Variants in OTUD7A observed in about 807,000 individuals in gnomAD.
The protein encoded by OTUD7A is OTU domain-containing protein 7A.
Under a neutral mutation model 65.7 loss-of-function variants are expected in OTUD7A, and 12 were observed. The ratio of observed to expected loss-of-function variants is 0.18; its 90% CI spans 0.12 to 0.30. The LOEUF (loss-of-function observed/expected upper bound fraction) is 0.30, where lower values mean the gene tolerates loss of function less well. Ranked by LOEUF, OTUD7A falls within the 10% of genes least tolerant of loss-of-function variation. The probability of loss-of-function intolerance (pLI) is 1.00; values close to 1 mark genes in which losing one functional copy is unlikely to be tolerated. For synonymous variants in OTUD7A, 641 were observed against 586.3 expected (o/e 1.09, Z -1.35); for missense variants, 1,148 against 1,304.8 (o/e 0.88, Z 1.85).
chr15:31,524,319 C>G (rs1161017361), intron 8 of OTUD7A, among the ~76,000 whole-genome samples: 1 of 152,096 alleles, frequency 6.6e-6, no homozygotes, highest in Non-Finnish European at 1.5e-5. Context: ...GGCTGTAGAG[C>G]CTGGTCAAAA....
intron 10 of OTUD7A, among the ~76,000 whole-genome samples, chr15:31,496,224 G>C (rs574700890): frequency 1.3e-4 from 18 of 143,306 alleles, no homozygotes; most frequent in African/African-American, 4.0e-4. Context: ...TTTGATAAAT[G>C]ATTTTTTTTT....
At chr15:31,613,226 T>C (rs541907260) in intron 3 of OTUD7A, among the ~76,000 whole-genome samples, 18 of 152,284 alleles carry the variant, frequency 1.2e-4, no homozygotes, top group African/African-American at 3.8e-4. Context: ...CTTCTAGACA[T>C]TGGCTTAGGC....
chr15:31,608,275 T>C (rs1566941675), intron 3 of OTUD7A, among the ~76,000 whole-genome samples: 2 of 151,972 alleles, frequency 1.3e-5, no homozygotes, highest in Admixed American at 6.6e-5. Flanking sequence ...GGCAGGGAAT[T>C]GAATTGAGAA....
rs1365890739 is a variant in OTUD7A, at chr15:31,716,780, T to C, written c.-99-59703A>G. On this transcript the variant is annotated intron_variant, in intron 1 of 12. Transcript: ENST00000307050. ...GACTACACTATGCAGAATCTGTGCA[T>C]ACGGACAAAGGGAGGAGGCTGCATG... Among the ~76,000 whole-genome samples the C allele has an allele frequency of 4.6e-5, 7 of 150,818 alleles. 1 individual carries two copies. Among genetic ancestry groups the C allele is most frequent in the South Asian group, 4.3e-4 (2 of 4,636 alleles).
At chr15:31,617,533 C>T (rs1890629683) in intron 3 of OTUD7A, among the ~76,000 whole-genome samples, 1 of 151,770 alleles carries the variant, frequency 6.6e-6, no homozygotes, top group Non-Finnish European at 1.5e-5. Context: ...GACTTATATA[C>T]ATTTATATCT....
At chr15:31,619,585 T>A (rs1890710835) in intron 3 of OTUD7A, among the ~76,000 whole-genome samples, 1 of 151,870 alleles carries the variant, frequency 6.6e-6, no homozygotes, top group Non-Finnish European at 1.5e-5. Flanking sequence ...TATTGGTGCA[T>A]AAGAATGCTT....
Position 31,527,221 on chromosome 15 carries a change from T to C in OTUD7A, c.740A>G (p.Lys247Arg), listed in dbSNP as rs144295518. Residue 247 changes from lysine (K) to arginine (R), a missense_variant, in exon 7 of 13, where the codon AAG (lysine) becomes AGG (arginine). Around this residue, in one of 6 missense-constraint regions of OTUD7A, gnomAD observed 134 missense variants for 252.6 expected, o/e 0.53. Coordinates refer to ENST00000307050, the MANE Select transcript of OTUD7A (RefSeq NM_001382637.1). ...CGTCTGCTGCCACCTCCACCTCCGC[T>C]TCAGGGCTTCCCTCTCAGCTCCCGT... ...MRTGAEREAL[K>R]RRWRWQQTQQ... The C allele has an allele frequency of 1.9e-4, 312 of 1,614,176 alleles. No individual in the cohort carries two copies. Among genetic ancestry groups the C allele is most frequent in the Admixed American group, 7.7e-4 (46 of 60,012 alleles).
At chr15:31,502,763 C>T (rs1026960850) in intron 9 of OTUD7A, among the ~76,000 whole-genome samples, 3 of 152,194 alleles carry the variant, frequency 2.0e-5, no homozygotes, top group Non-Finnish European at 2.9e-5. Flanking sequence ...TGATGCAAGC[C>T]CTGGTGTTGC....
chr15:31,600,935 T>A (rs919206432), intron 3 of OTUD7A, among the ~76,000 whole-genome samples: 1 of 152,132 alleles, frequency 6.6e-6, no homozygotes, highest in Non-Finnish European at 1.5e-5. Flanking sequence ...ATGCACCTAA[T>A]ACAGGAGCAC....
At chr15:31,677,099 G>A (rs943065634) in intron 1 of OTUD7A, among the ~76,000 whole-genome samples, 3 of 152,170 alleles carry the variant, frequency 2.0e-5, no homozygotes, top group Non-Finnish European at 4.4e-5. Context: ...TGGAAGGAAC[G>A]TGAGCCATTT....
chr15:31,661,104 A>G (rs1253239916), intron 1 of OTUD7A, among the ~76,000 whole-genome samples: 1 of 152,232 alleles, frequency 6.6e-6, no homozygotes, highest in Non-Finnish European at 1.5e-5. Flanking sequence ...ACGTGCATAG[A>G]TGCATGATTG....
intron 10 of OTUD7A, among the ~76,000 whole-genome samples, chr15:31,499,043 A>T (rs1437169561): frequency 6.6e-6 from 1 of 152,208 alleles, no homozygotes; most frequent in Non-Finnish European, 1.5e-5. Context: ...GAGGCACTCG[A>T]TGAGAAGTTT....
intron 1 of OTUD7A, among the ~76,000 whole-genome samples, chr15:31,778,448 A>G (rs1224358125): frequency 6.6e-6 from 1 of 152,194 alleles, no homozygotes; most frequent in Non-Finnish European, 1.5e-5. Context: ...GATGGAAAAA[A>G]ATTTCCATTT....
chr15:31,549,950 A>C (rs1888264486), intron 5 of OTUD7A, among the ~76,000 whole-genome samples: 2 of 152,022 alleles, frequency 1.3e-5, no homozygotes, highest in Admixed American at 1.3e-4. Context: ...AAATACAAAA[A>C]TTAGCTGGGT....
chr15:31,807,003 CAT>C (rs1157757034), intron 1 of OTUD7A, among the ~76,000 whole-genome samples: 2 of 152,182 alleles, frequency 1.3e-5, no homozygotes, highest in Non-Finnish European at 2.9e-5. Flanking sequence ...GCCTTGGCCA[CAT>C]GTGCCACTCT....
rs1223482395 is a variant in OTUD7A, at chr15:31,510,611, C to CATAT, written c.894-6797_894-6794dup. On this transcript the variant is annotated intron_variant, in intron 8 of 12. Coordinates refer to ENST00000307050, the MANE Select transcript of OTUD7A (RefSeq NM_001382637.1). ...CATATGTATATCTATATGTAACATACATATGTATATCTATATGTAACATAC... is the reference window on the plus strand; with the variant it reads ...CATATGTATATCTATATGTAACATACATATATATGTATATCTATATGTAACATAC... 2.7e-4 allele frequency among the ~76,000 whole-genome samples: 3 copies of CATAT among 11,286 alleles called. 1 individual carries two copies. Among genetic ancestry groups the CATAT allele is most frequent in the African/African-American group, 9.7e-4 (3 of 3,084 alleles). The allele number at this position is 11,286 out of a possible 152,430, so 7.4% of individuals were successfully genotyped here. A position where few individuals can be genotyped will look rare whatever the true frequency, so the allele number is the denominator to read the frequency against.
intron 1 of OTUD7A, among the ~76,000 whole-genome samples, chr15:31,770,482 C>T (rs1895205491): frequency 6.6e-6 from 1 of 152,174 alleles, no homozygotes; most frequent in Non-Finnish European, 1.5e-5. Flanking sequence ...GTGTATACTA[C>T]CAAGGACTTA....
intron 1 of OTUD7A, among the ~76,000 whole-genome samples, chr15:31,681,089 C>CACCT (rs972884755): frequency 1.3e-5 from 2 of 150,588 alleles, no homozygotes; most frequent in Non-Finnish European, 1.5e-5. Context: ...TTGTTCCACC[C>CACCT]ACCTACCTAC....
chr15:31,667,728 A>G (rs982486123), intron 1 of OTUD7A, among the ~76,000 whole-genome samples: 1 of 151,782 alleles, frequency 6.6e-6, no homozygotes, highest in Admixed American at 6.6e-5. Context: ...TTTAACTTGT[A>G]TTTTTGTTTT....
Sources: allele counts gnomAD v4.1 joint callset (sites outside exome capture counted in the v4.1 genomes callset), GRCh38; gene constraint gnomAD v4.1.1; regional missense constraint gnomAD v4.1.1; transcripts MANE v1.5; gene names NCBI Gene and HGNC (gene_info 2026-07-23, HGNC 2026-07-21).